PEX14: variants seen among roughly 807,000 people sequenced by gnomAD.
PEX14 encodes peroxisomal biogenesis factor 14.
In PEX14, 15 loss-of-function variants were observed where a neutral mutation model predicts 49.5. The observed-to-expected ratio is 0.30, with a 90% CI of 0.20 to 0.47. The LOEUF (loss-of-function observed/expected upper bound fraction) is 0.47, where lower values mean the gene tolerates loss of function less well. Ranked by LOEUF, PEX14 falls within the 20% of genes least tolerant of loss-of-function variation. The pLI is 1.00. For missense variants in PEX14, 398 were observed against 494.8 expected (o/e 0.80, Z 1.86); for synonymous variants, 210 against 212.7 (o/e 0.99, Z 0.11).
chr1:10,630,219 T>C lies in PEX14; in HGVS notation c.*232T>C. 1.5e-6 allele frequency: 1 copy of C among 656,226 alleles called. No individual in the cohort carries two copies. Among genetic ancestry groups the C allele is most frequent in the Non-Finnish European group, 2.5e-6 (1 of 394,712 alleles). The allele number at this position is 656,226 out of a possible 1,614,324, so 40.7% of individuals were successfully genotyped here. On this transcript the variant is annotated 3_prime_UTR_variant, in exon 9 of 9. Coordinates refer to ENST00000356607, the MANE Select transcript of PEX14 (RefSeq NM_004565.3). This position sits in a 1 kb window ranked among gnomAD's most constrained non-coding sequence, Gnocchi z 4.1. The stretch of plus-strand genomic sequence containing the variant: ...CCCCAGCCCCAGCCCCAGGCCCAGC[T>C]GCCTTTGGCTTTGATCTCAAGTCAG...
In PEX14 at chr1:10,541,409, C is replaced by T. The variant is rs79318533; in HGVS notation, c.169+5112C>T. Among the ~76,000 whole-genome samples, 334 of 152,366 alleles carry T rather than the reference C, an allele frequency of 2.2e-3. 1 individual carries two copies. Among genetic ancestry groups the T allele is most frequent in the African/African-American group, 7.3e-3 (304 of 41,590 alleles). On this transcript the variant is annotated intron_variant, in intron 3 of 8. Transcript: ENST00000356607. Reference sequence around the variant, plus strand: ...GGCAGTGAGTCCCGGAGAGGCCCGCCTGCAGCAGCGTGGCATCTTCCGCAC... The same window carrying T: ...GGCAGTGAGTCCCGGAGAGGCCCGCTTGCAGCAGCGTGGCATCTTCCGCAC...
At chr1:10,622,261 C>G (rs1641617841) in intron 5 of PEX14, among the ~76,000 whole-genome samples, 1 of 152,202 alleles carries the variant, frequency 6.6e-6, no homozygotes, top group Non-Finnish European at 1.5e-5. Flanking sequence ...CATTCACTTT[C>G]TTTTTCCCCA....
intron 4 of PEX14, among the ~76,000 whole-genome samples, chr1:10,602,341 A>G (rs139334261): frequency 6.6e-6 from 1 of 151,838 alleles, no homozygotes; most frequent in Non-Finnish European, 1.5e-5. Context: ...TTCTTCTCAT[A>G]CCGTTACATT....
intron 1 of PEX14, among the ~76,000 whole-genome samples, chr1:10,487,486 T>C (rs916121529): frequency 3.7e-5 from 5 of 136,168 alleles, no homozygotes; most frequent in Admixed American, 2.2e-4. Context: ...TCTTTCTTTT[T>C]TTTTTTTTTT....
At chr1:10,501,652 C>T (rs1006751407) in intron 2 of PEX14, among the ~76,000 whole-genome samples, 5 of 152,000 alleles carry the variant, frequency 3.3e-5, no homozygotes, top group East Asian at 2.0e-4. Context: ...TGGTGGCTCA[C>T]GCCTGTAATC....
chr1:10,573,854 A>G (rs965068237), intron 3 of PEX14, among the ~76,000 whole-genome samples: 1 of 152,264 alleles, frequency 6.6e-6, no homozygotes, highest in Non-Finnish European at 1.5e-5. Context: ...TAATCCCAGC[A>G]CTTTGGGAGG....
Position 10,563,524 on chromosome 1 carries a change from C to T in PEX14, c.169+27227C>T, listed in dbSNP as rs541371861. ...ACATGCCTGTCAGCTACTCCGGAGG[C>T]GGAGGCCGGAGAATCCCTTGAACCC... On this transcript the variant is annotated intron_variant, in intron 3 of 8. Coordinates refer to ENST00000356607, the MANE Select transcript of PEX14 (RefSeq NM_004565.3). Among the ~76,000 whole-genome samples the T allele has an allele frequency of 6.6e-4, 100 of 152,230 alleles. 2 individuals carry two copies. Among genetic ancestry groups the T allele is most frequent in the Admixed American group, 3.9e-3 (60 of 15,300 alleles).
At chr1:10,519,125 C>T (rs1341697981) in intron 2 of PEX14, among the ~76,000 whole-genome samples, 4 of 152,116 alleles carry the variant, frequency 2.6e-5, no homozygotes, top group Admixed American at 1.3e-4. Flanking sequence ...GGAAGAGTAG[C>T]ACACCACCGA....
At chr1:10,559,515 T>C (rs1639585921) in intron 3 of PEX14, among the ~76,000 whole-genome samples, 3 of 151,968 alleles carry the variant, frequency 2.0e-5, no homozygotes, top group African/African-American at 7.3e-5. Flanking sequence ...GATCAGTGAG[T>C]AGACCCCTGT....
At position 10,508,556 on chromosome 1, in the gene PEX14, G is replaced by C. The variant is rs534237049; in HGVS notation, c.84+13235G>C. On this transcript the variant is annotated intron_variant, in intron 2 of 8. Coordinates refer to ENST00000356607, the MANE Select transcript of PEX14 (RefSeq NM_004565.3). ...CATATGGGCAACTTGTGCCTTGTCA[G>C]AGTGAGTCCCAGCTCCCTCCCCCCC... is the stretch of plus-strand genomic sequence containing the variant. Among the ~76,000 whole-genome samples the C allele has an allele frequency of 6.8e-4, 103 of 152,222 alleles. 1 individual carries two copies. The highest frequency in any genetic ancestry group is 2.4e-3 in the African/African-American group (101 of 41,542).
intron 3 of PEX14, among the ~76,000 whole-genome samples, chr1:10,542,321 T>C (rs1639040649): frequency 6.6e-6 from 1 of 152,234 alleles, no homozygotes; most frequent in Non-Finnish European, 1.5e-5. Flanking sequence ...ACGAATGCTT[T>C]CTAAATACAG....
At position 10,604,666 on chromosome 1, in the gene PEX14, T is replaced by C. The variant is rs116526255; in HGVS notation, c.298+5300T>C. ...TGTTCAGAGTGGCTGGAGCATGGGA[T>C]GAGAGTCAGAGGAAATGGCTGGAGA... On this transcript the variant is annotated intron_variant, in intron 4 of 8. Coordinates refer to ENST00000356607, the MANE Select transcript of PEX14 (RefSeq NM_004565.3). 4.1e-3 allele frequency among the ~76,000 whole-genome samples: 620 copies of C among 152,100 alleles called. 8 individuals carry two copies. Among genetic ancestry groups the C allele is most frequent in the African/African-American group, 0.015 (604 of 41,462 alleles).
Position 10,515,730 on chromosome 1 carries a change from G to T in PEX14, c.84+20409G>T, listed in dbSNP as rs531386968. Among the ~76,000 whole-genome samples the T allele has an allele frequency of 9.2e-5, 14 of 152,198 alleles. No individual in the cohort carries two copies. In the South Asian group the frequency reaches 2.9e-3, roughly 32 times the overall value. On this transcript the variant is annotated intron_variant, in intron 2 of 8. Transcript: ENST00000356607. ...AACCAAAGTAAAAAATCCTTCACCC[G>T]GCTCTGGCTGCTTGTCTGCTTGTGA...
chr1:10,587,673 CTTTG>C (rs1640534762), intron 3 of PEX14, among the ~76,000 whole-genome samples: 1 of 151,844 alleles, frequency 6.6e-6, no homozygotes, highest in African/African-American at 2.4e-5. Context: ...TTTATTATGG[CTTTG>C]TTTGTAGCAG....
chr1:10,585,914 T>C (rs1348640043), intron 3 of PEX14, among the ~76,000 whole-genome samples: 1 of 152,024 alleles, frequency 6.6e-6, no homozygotes, highest in Non-Finnish European at 1.5e-5. Context: ...TAAAAAAAAG[T>C]GAGTCAGAGA....
intron 1 of PEX14, among the ~76,000 whole-genome samples, chr1:10,486,565 C>G (rs553387186): frequency 1.3e-5 from 2 of 151,914 alleles, no homozygotes; most frequent in African/African-American, 4.8e-5. Context: ...ACCTGGAGTT[C>G]TAGCTACTCG....
intron 4 of PEX14, among the ~76,000 whole-genome samples, chr1:10,604,784 G>A (rs1294156628): frequency 6.6e-6 from 1 of 152,050 alleles, no homozygotes; most frequent in Non-Finnish European, 1.5e-5. Context: ...TGTGCCATAC[G>A]ACCTATTTGG....
In PEX14 at chr1:10,494,583, G is replaced by A. The variant is rs1641524234; in HGVS notation, c.37-691G>A. Among the ~76,000 whole-genome samples the A allele has an allele frequency of 6.6e-6, 1 of 152,228 alleles. No individual in the cohort carries two copies. Among genetic ancestry groups the A allele is most frequent in the Non-Finnish European group, 1.5e-5 (1 of 68,038 alleles). On this transcript the variant is annotated intron_variant, in intron 1 of 8. Transcript: ENST00000356607. This position sits in a 1 kb window ranked among gnomAD's most constrained non-coding sequence, Gnocchi z 4.3. ...GGTGAGGTAGTGGCCCCAAGGAAGA[G>A]GAAACGGGCTAGAGCCAGGGCCTCG... is the stretch of plus-strand genomic sequence containing the variant.
rs1321024884 is a variant in PEX14, at chr1:10,628,748, G to C, written c.678-783G>C. 6.6e-6 allele frequency among the ~76,000 whole-genome samples: 1 copy of C among 152,230 alleles called. No individual in the cohort carries two copies. The highest frequency in any genetic ancestry group is 1.5e-5 in the Non-Finnish European group (1 of 68,044). ...CACTCAAGTGGGGTCTGTGGTGGGA[G>C]AGTTGTGTCTAAGGCCCCTGCTGGG... On this transcript the variant is annotated intron_variant, in intron 8 of 8. Coordinates refer to ENST00000356607, the MANE Select transcript of PEX14 (RefSeq NM_004565.3). This position sits in a 1 kb window ranked among gnomAD's most constrained non-coding sequence, Gnocchi z 4.5.
Sources: allele counts gnomAD v4.1 joint callset (sites outside exome capture counted in the v4.1 genomes callset), GRCh38; gene constraint gnomAD v4.1.1; non-coding constraint Gnocchi (gnomAD v3.1); transcripts MANE v1.5; gene names NCBI Gene and HGNC (gene_info 2026-07-23, HGNC 2026-07-21).